Variants in GRAMD1B observed in about 807,000 individuals in gnomAD.
The protein encoded by GRAMD1B is GRAM domain containing 1B.
Under a neutral mutation model 99.7 loss-of-function variants are expected in GRAMD1B, and 37 were observed. The ratio of observed to expected loss-of-function variants is 0.37; its 90% CI spans 0.29 to 0.49. The LOEUF is 0.49. Ranked by LOEUF, GRAMD1B falls within the 20% of genes least tolerant of loss-of-function variation. The pLI is 0.98. For missense variants in GRAMD1B, 888 were observed against 1,009.2 expected, an observed-to-expected ratio of 0.88 and a Z score of 1.63; for synonymous variants, 427 against 387.6, an observed-to-expected ratio of 1.10 and a Z score of -1.19.
intron 1 of GRAMD1B, among the ~76,000 whole-genome samples, chr11:123,419,042 G>A (rs1252706798): frequency 6.6e-6 from 1 of 152,170 alleles, no homozygotes; most frequent in African/African-American, 2.4e-5. Flanking sequence ...AGAGACGTGG[G>A]TAAACTGCTT....
At chr11:123,456,078 C>T (rs778514087) in intron 1 of GRAMD1B, among the ~76,000 whole-genome samples, 3 of 151,924 alleles carry the variant, frequency 2.0e-5, no homozygotes, top group Admixed American at 6.6e-5. Flanking sequence ...GCCTGAGGCA[C>T]GAGAATCGCT....
intron 2 of GRAMD1B, among the ~76,000 whole-genome samples, chr11:123,567,051 A>G (rs1362595658): frequency 1.3e-5 from 2 of 152,226 alleles, no homozygotes; most frequent in Admixed American, 1.3e-4. Context: ...TGGCCCTTCA[A>G]GAAAGTCTGC....
In GRAMD1B at chr11:123,597,361, G is replaced by C. The variant is rs142937953; in HGVS notation, c.969+1324G>C. ...CCTGCCTCAGCCTCCCAAGTAGCTGGGACTATAGGCACAAGCCACTGCACC... is the reference window on the plus strand; with the variant it reads ...CCTGCCTCAGCCTCCCAAGTAGCTGCGACTATAGGCACAAGCCACTGCACC... On this transcript the variant is annotated intron_variant, in intron 7 of 19. Coordinates refer to ENST00000635736, the MANE Select transcript of GRAMD1B (RefSeq NM_001387025.1). Among the ~76,000 whole-genome samples the C allele has an allele frequency of 3.6e-3, 547 of 149,990 alleles. 4 individuals are homozygous for C. The highest frequency in any genetic ancestry group is 0.014 in the South Asian group (65 of 4,744).
chr11:123,362,670 G>A (rs1269122125), intron 1 of GRAMD1B, among the ~76,000 whole-genome samples: 1 of 152,158 alleles, frequency 6.6e-6, no homozygotes, highest in African/African-American at 2.4e-5. Flanking sequence ...GTATAAAAAG[G>A]CCATCTTTGC....
intron 2 of GRAMD1B, among the ~76,000 whole-genome samples, chr11:123,496,623 A>T (rs982278114): frequency 6.6e-6 from 1 of 151,022 alleles, no homozygotes; most frequent in Non-Finnish European, 1.5e-5. Context: ...TCTCGTAGGC[A>T]TGCTTCATTG....
chr11:123,416,732 G>A (rs529443388), intron 1 of GRAMD1B, among the ~76,000 whole-genome samples: 109 of 152,212 alleles, frequency 7.2e-4, no homozygotes, highest in Non-Finnish European at 1.5e-3. Flanking sequence ...CATTAGTGAT[G>A]AAAGTGTGAT....
chr11:123,600,501 A>T lies in GRAMD1B; in HGVS notation c.1003A>T (p.Thr335Ser). The T allele has an allele frequency of 6.2e-7, 1 of 1,612,840 alleles. No individual in the cohort carries two copies. Among genetic ancestry groups the T allele is most frequent in the Non-Finnish European group, 8.5e-7 (1 of 1,179,028 alleles). ...CACTTCGTTTGGGGCCCGGGATAGG[A>T]CATATATGATGATGTTCCGGCTCTG... ...FFTSFGARDR[T>S]YMMMFRLWQN... is the part of the protein sequence containing the mutation. Residue 335 changes from threonine (T) to serine (S), a missense_variant, in exon 8 of 20, where the codon ACA becomes TCA. Transcript: ENST00000635736.
rs554764963 is a variant in GRAMD1B at position 123,430,961 on chromosome 11, G to A, written c.169G>A (p.Glu57Lys). ...GAAGAACGTACAGGAGCAGAGCCTG[G>A]AGGCCGGGCTGGCCCGGGACCTGCC... The part of the protein sequence containing the change: ...RMKNVQEQSL[E>K]AGLARDLPAV... Residue 57 changes from glutamate to lysine, a missense_variant, in exon 1 of 20, where the codon GAG becomes AAG. By Grantham distance (56) the Glu-to-Lys change is moderately conservative (BLOSUM62 1). Around this residue, in one of 5 missense-constraint regions of GRAMD1B, gnomAD observed 233 missense variants for 154.6 expected, o/e 1.51. Transcript: ENST00000635736. 99 of 702,840 alleles carry A rather than the reference G, an allele frequency of 1.4e-4. 3 individuals are homozygous for A. Among genetic ancestry groups the A allele is most frequent in the South Asian group, 1.3e-3 (91 of 67,584 alleles). 43.5% of individuals were successfully genotyped at this position (702,840 alleles called of 1,614,324 possible).
At chr11:123,599,064 A>T (rs1951636561) in intron 7 of GRAMD1B, 5 of 1,021,622 alleles carry the variant, frequency 4.9e-6, no homozygotes, top group Admixed American at 3.4e-5. Flanking sequence ...TTCATCTGTG[A>T]ACTCCACCGA....
intron 1 of GRAMD1B, among the ~76,000 whole-genome samples, chr11:123,393,231 T>C (rs1215744229): frequency 6.6e-6 from 1 of 152,228 alleles, no homozygotes; most frequent in Non-Finnish European, 1.5e-5. Flanking sequence ...GGGAAAGTGC[T>C]GGGAGGGAGA....
intron 2 of GRAMD1B, chr11:123,491,952 C>T (rs565062681): frequency 6.3e-5 from 25 of 399,240 alleles, no homozygotes; most frequent in South Asian, 1.3e-4. Flanking sequence ...GGCCTTTCTG[C>T]GAGCCAAGTA....
At chr11:123,592,307 C>G (rs560464110) in intron 4 of GRAMD1B, among the ~76,000 whole-genome samples, 1 of 152,282 alleles carries the variant, frequency 6.6e-6, no homozygotes, top group East Asian at 1.9e-4. Flanking sequence ...GAGCAGTTAC[C>G]CTCCAGAGGC....
rs1264687750 is a variant in GRAMD1B, at chr11:123,510,908, G to T, written c.452+30015G>T. ...TCCTACAAAGCACATGCCCCACCTT[G>T]GTGTGCTTGGAAGTCGGAGTGGGTG... On this transcript the variant is annotated intron_variant, in intron 2 of 19. Transcript: ENST00000635736. The surrounding 1 kb of genome is among the most constrained non-coding windows in gnomAD (Gnocchi z 4.3). 6.6e-6 allele frequency among the ~76,000 whole-genome samples: 1 copy of T among 152,154 alleles called. No homozygotes were observed. Among genetic ancestry groups the T allele is most frequent in the Admixed American group, 6.5e-5 (1 of 15,280 alleles).
chr11:123,620,395 A>G (rs1009334039), intron 19 of GRAMD1B, among the ~76,000 whole-genome samples: 1 of 137,690 alleles, frequency 7.3e-6, no homozygotes, highest in African/African-American at 2.7e-5. Flanking sequence ...AATTGCTTGA[A>G]CCTGGGAGGT....
intron 1 of GRAMD1B, among the ~76,000 whole-genome samples, chr11:123,409,044 A>G (rs1947949919): frequency 6.6e-6 from 1 of 152,236 alleles, no homozygotes; most frequent in Non-Finnish European, 1.5e-5. Flanking sequence ...AATCTTTACC[A>G]AGAACAATAG....
chr11:123,380,906 A>G (rs1358795989), intron 1 of GRAMD1B, among the ~76,000 whole-genome samples: 3 of 152,054 alleles, frequency 2.0e-5, no homozygotes, highest in South Asian at 2.1e-4. Context: ...TTTTCTTCCC[A>G]TATGAGCTCC....
At chr11:123,373,542 A>G (rs1946599054) in intron 1 of GRAMD1B, among the ~76,000 whole-genome samples, 1 of 152,182 alleles carries the variant, frequency 6.6e-6, no homozygotes, top group African/African-American at 2.4e-5. Context: ...GGACCAAGGA[A>G]ATGTCCCTAA....
In GRAMD1B at chr11:123,440,229, G is replaced by A. The variant is rs184125485; in HGVS notation, c.374+9063G>A. Among the ~76,000 whole-genome samples the A allele has an allele frequency of 3.9e-3, 591 of 152,284 alleles. 7 individuals carry two copies. The highest frequency in any genetic ancestry group is 0.013 in the African/African-American group (558 of 41,560). On this transcript the variant is annotated intron_variant, in intron 1 of 19. Transcript: ENST00000635736. ...TTTTTTATGCCATAAAAGTCAACGC[G>A]GCCAGATGCAGTGGCTCACGCCTGT...
chr11:123,490,607 A>T (rs1209522388), intron 2 of GRAMD1B, among the ~76,000 whole-genome samples: 1 of 152,240 alleles, frequency 6.6e-6, no homozygotes, highest in Non-Finnish European at 1.5e-5. Context: ...GAAAAAAAGA[A>T]GCAGACAAAT....
Sources: allele counts gnomAD v4.1 joint callset (sites outside exome capture counted in the v4.1 genomes callset), GRCh38; gene constraint gnomAD v4.1.1; regional missense constraint gnomAD v4.1.1; non-coding constraint Gnocchi (gnomAD v3.1); transcripts MANE v1.5; gene names NCBI Gene and HGNC (gene_info 2026-07-23, HGNC 2026-07-21).